Variants in NME8 observed in about 807,000 individuals in gnomAD.
NME8 encodes protein NME8.
Under a neutral mutation model 82.3 loss-of-function variants are expected in NME8, and 72 were observed. The ratio of observed to expected loss-of-function variants is 0.87; its 90% CI spans 0.72 to 1.06. NME8 has a LOEUF of 1.06. Ranked by LOEUF, NME8 falls within the 50% of genes least tolerant of loss-of-function variation. The probability of loss-of-function intolerance (pLI) is 0.00; values close to 1 mark genes in which losing one functional copy is unlikely to be tolerated. For synonymous variants in NME8, 267 were observed against 228.5 expected, an observed-to-expected ratio of 1.17 and a Z score of -1.52; for missense variants, 712 against 685.4, an observed-to-expected ratio of 1.04 and a Z score of -0.43.
intron 14 of NME8, among the ~76,000 whole-genome samples, chr7:37,886,867 A>AC (rs1246521860): frequency 4.0e-5 from 6 of 151,822 alleles, no homozygotes. Flanking sequence ...TAAGGCAAAA[A>AC]AAAAACAAAA....
intron 5 of NME8, among the ~76,000 whole-genome samples, chr7:37,856,858 C>T (rs1038226966): frequency 1.3e-4 from 20 of 152,054 alleles, no homozygotes; most frequent in Non-Finnish European, 2.4e-4. Context: ...TGTAACAGGC[C>T]CACACGTGCC....
chr7:37,866,594 G>C (rs1350893202), intron 10 of NME8, among the ~76,000 whole-genome samples: 1 of 152,164 alleles, frequency 6.6e-6, no homozygotes, highest in Non-Finnish European at 1.5e-5. Flanking sequence ...ATATTGTTAG[G>C]TTACCTTTAA....
rs748274434 is a variant in NME8 at position 37,894,536 on chromosome 7, T to A, written c.1470T>A (p.Pro490=). 6.2e-7 allele frequency: 1 copy of A among 1,611,276 alleles called. No individual in the cohort carries two copies. Among genetic ancestry groups the A allele is most frequent in the South Asian group, 1.1e-5 (1 of 91,032 alleles). ...LTQVKKMFLT[P]EQIEKIYPKV... is the part of the protein sequence containing the mutation. ...AGGTGAAGAAAATGTTCCTAACTCC[T>A]GAGCAAATAGAGAAAATTTATCCAA... Residue 490 remains proline (P), a synonymous_variant, in exon 16 of 18, where the codon CCT becomes CCA. Transcript: ENST00000199447.
rs1252294485 is a variant in NME8, at chr7:37,864,382, T to C, written c.489T>C (p.Asp163=). 1 of 1,590,566 alleles carries C rather than the reference T, an allele frequency of 6.3e-7. No homozygotes were observed. The highest frequency in any genetic ancestry group is 8.6e-7 in the Non-Finnish European group (1 of 1,161,866). Residue 163 remains aspartate, a synonymous_variant, in exon 9 of 18, where the codon GAT becomes GAC. Transcript: ENST00000199447. ...ELYSIAIIKP[D]AVISKKVLEI... is the part of the protein sequence containing the mutation. ...ACAGTATTGCTATTATCAAACCGGATGCTGTGATTAGTAAAAAAGTTCTAG... is the reference window on the plus strand; with the variant it reads ...ACAGTATTGCTATTATCAAACCGGACGCTGTGATTAGTAAAAAAGTTCTAG...
intron 5 of NME8, among the ~76,000 whole-genome samples, chr7:37,852,109 CT>C (rs36112844): frequency 0.18 from 26,013 of 145,838 alleles, 2,233 homozygotes; most frequent in Middle Eastern, 0.23. Flanking sequence ...AAGGAATTGA[CT>C]TTTTTTTTTT....
intron 8 of NME8, 99 bp from the exon 9 acceptor site, chr7:37,864,249 T>C: frequency 7.1e-7 from 1 of 1,400,240 alleles, no homozygotes; most frequent in Non-Finnish European, 9.8e-7. Context: ...AACAATTAAC[T>C]GATCATTAGA....
chr7:37,895,911 C>T (rs527499783), intron 16 of NME8, among the ~76,000 whole-genome samples: 39 of 152,258 alleles, frequency 2.6e-4, no homozygotes, highest in Admixed American at 1.0e-3. Flanking sequence ...GTGTAAGAGG[C>T]TATTCTATCT....
intron 17 of NME8, 32 bp downstream of exon 17, chr7:37,897,139 A>C (rs374297328): frequency 5.1e-5 from 70 of 1,375,210 alleles, no homozygotes; most frequent in African/African-American, 7.3e-5. Context: ...ATTTTATTTT[A>C]TTTGCTTGTT....
chr7:37,867,457 A>G (rs1203179872), intron 10 of NME8, among the ~76,000 whole-genome samples: 1 of 152,140 alleles, frequency 6.6e-6, no homozygotes, highest in African/African-American at 2.4e-5. Context: ...TGGTTATTAT[A>G]CATTTTCTTT....
At chr7:37,856,398 AC>A in intron 5 of NME8, among the ~76,000 whole-genome samples, 1 of 152,252 alleles carries the variant, frequency 6.6e-6, no homozygotes, top group African/African-American at 2.4e-5. Flanking sequence ...CACTTCTGGC[AC>A]CCAGACTGTG....
At chr7:37,886,109 T>C (rs1785035695) in intron 14 of NME8, among the ~76,000 whole-genome samples, 1 of 152,248 alleles carries the variant, frequency 6.6e-6, no homozygotes, top group Non-Finnish European at 1.5e-5. Context: ...CATTAACATG[T>C]ATTGCCCCTT....
At chr7:37,892,375 CAG>C (rs1408475645) in intron 15 of NME8, among the ~76,000 whole-genome samples, 4 of 151,362 alleles carry the variant, frequency 2.6e-5, no homozygotes, top group African/African-American at 4.8e-5. Context: ...CTGGAACTAA[CAG>C]GGGATTCTTT....
intron 14 of NME8, among the ~76,000 whole-genome samples, chr7:37,886,724 C>T (rs1785046145): frequency 6.6e-6 from 1 of 152,092 alleles, no homozygotes; most frequent in South Asian, 2.1e-4. Flanking sequence ...CAGGATGACT[C>T]AGGCTGTTTC....
intron 7 of NME8, among the ~76,000 whole-genome samples, chr7:37,862,496 CT>C (rs954674071): frequency 1.1e-4 from 17 of 150,770 alleles, no homozygotes; most frequent in Admixed American, 2.6e-4. Flanking sequence ...GTACTTTGCT[CT>C]TTTTTTTTGT....
At chr7:37,875,768 G>T (rs1784838357) in intron 11 of NME8, among the ~76,000 whole-genome samples, 1 of 151,818 alleles carries the variant, frequency 6.6e-6, no homozygotes, top group East Asian at 1.9e-4. Flanking sequence ...CCCAAAAAAA[G>T]AAAAAATTGT....
At chr7:37,853,004 TGGATTTTGGTCATC>T (rs1328702894) in intron 5 of NME8, among the ~76,000 whole-genome samples, 1 of 152,236 alleles carries the variant, frequency 6.6e-6, no homozygotes, top group Non-Finnish European at 1.5e-5. Flanking sequence ...ATCTGTTCTC[TGGATTTTGGTCATC>T]CTAATAAGTG....
At chr7:37,880,717 G>C (rs1481469935) in intron 12 of NME8, among the ~76,000 whole-genome samples, 1 of 152,116 alleles carries the variant, frequency 6.6e-6, no homozygotes, top group Non-Finnish European at 1.5e-5. Context: ...TTAATCTACA[G>C]ACCAAGTTGG....
intron 15 of NME8, among the ~76,000 whole-genome samples, chr7:37,891,535 T>C (rs1036607711): frequency 2.0e-5 from 3 of 152,048 alleles, no homozygotes; most frequent in African/African-American, 7.2e-5. Flanking sequence ...TTATTTTTCA[T>C]TTACTGTTGT....
At chr7:37,894,333 T>C in intron 15 of NME8, 133 bp from the exon 16 acceptor site, 1 of 878,150 alleles carries the variant, frequency 1.1e-6, no homozygotes, top group South Asian at 1.5e-5. Context: ...TTTAATTTCG[T>C]TTGGCAGAGT....
Sources: allele counts gnomAD v4.1 joint callset (sites outside exome capture counted in the v4.1 genomes callset), GRCh38; gene constraint gnomAD v4.1.1; transcripts MANE v1.5; gene names NCBI Gene and HGNC (gene_info 2026-07-23, HGNC 2026-07-21).